The following UBA6 variants were observed in gnomAD, a reference collection of about 807,000 sequenced individuals.
The protein encoded by UBA6 is ubiquitin-like modifier-activating enzyme 6.
UBA6 carries 87 observed loss-of-function variants against 148.3 expected under a neutral mutation model. The ratio of observed to expected loss-of-function variants is 0.59; its 90% CI spans 0.49 to 0.70. The LOEUF is 0.70. UBA6 is among the 30% of genes least tolerant of loss of function. UBA6 has a pLI of 0.00. For synonymous variants in UBA6, 376 were observed against 401.0 expected (o/e 0.94, Z 0.75); for missense variants, 1,186 against 1,241.2 (o/e 0.96, Z 0.67).
In UBA6 at chr4:67,616,311, T is replaced by A; in HGVS notation, c.*2686A>T. 5.2e-6 allele frequency: 2 copies of A among 381,054 alleles called. No individual in the cohort carries two copies. Among genetic ancestry groups the A allele is most frequent in the Non-Finnish European group, 9.3e-6 (2 of 215,364 alleles). The allele number at this position is 381,054 out of a possible 1,614,324, so 23.6% of individuals were successfully genotyped here. ...AGTGGAAAGATTTAGGTCACGAGAT[T>A]TTTTTTTTCCCTAAAAATTTCAAAA... On this transcript the variant is annotated 3_prime_UTR_variant, in exon 33 of 33. Coordinates refer to ENST00000322244, the MANE Select transcript of UBA6 (RefSeq NM_018227.6).
rs1161952695 is a variant in UBA6 at position 67,614,357 on chromosome 4, G to A, written c.*4640C>T. On this transcript the variant is annotated 3_prime_UTR_variant, in exon 33 of 33. Coordinates refer to ENST00000322244, the MANE Select transcript of UBA6 (RefSeq NM_018227.6). ...GGCACATGTTCTCTGGACCTCCTGA[G>A]GGCTGGGTCACAGGCCATGGTCACT... The A allele has an allele frequency of 1.3e-5, 2 of 152,166 alleles. No homozygotes were observed. Among genetic ancestry groups the A allele is most frequent in the African/African-American group, 4.8e-5 (2 of 41,440 alleles). The allele number at this position is 152,166 out of a possible 1,614,324, so 9.4% of individuals were successfully genotyped here.
chr4:67,650,616 TAGAA>T (rs1729530796), intron 13 of UBA6, among the ~76,000 whole-genome samples: 1 of 152,182 alleles, frequency 6.6e-6, no homozygotes, highest in African/African-American at 2.4e-5. Context: ...TACTTGTAAG[TAGAA>T]AGACAGATTG....
chr4:67,656,577 C>T (rs1729701996), intron 13 of UBA6, among the ~76,000 whole-genome samples: 1 of 152,160 alleles, frequency 6.6e-6, no homozygotes, highest in African/African-American at 2.4e-5. Context: ...CAATATCATA[C>T]TGAATGGGCA....
chr4:67,658,861 T>A (rs1348406543), intron 13 of UBA6, among the ~76,000 whole-genome samples: 2 of 151,946 alleles, frequency 1.3e-5, no homozygotes, highest in Admixed American at 6.6e-5. Flanking sequence ...GCTAGGGAGG[T>A]AATTATAAAA....
chr4:67,682,446 G>A (rs1310250874), intron 2 of UBA6, among the ~76,000 whole-genome samples: 3 of 152,140 alleles, frequency 2.0e-5, no homozygotes, highest in African/African-American at 7.2e-5. Context: ...TAGACAGATG[G>A]AGGTGAGTAA....
At chr4:67,660,257 A>T (rs2109930783) in intron 13 of UBA6, among the ~76,000 whole-genome samples, 1 of 152,370 alleles carries the variant, frequency 6.6e-6, no homozygotes, top group South Asian at 2.1e-4. Flanking sequence ...AAGCAGCCAA[A>T]TGTTAATTGC....
intron 19 of UBA6, 84 bp from the exon 20 acceptor site, chr4:67,635,642 C>G (rs1020861085): frequency 3.1e-5 from 24 of 766,884 alleles, no homozygotes; most frequent in Non-Finnish European, 5.3e-5. Context: ...TTCTATTGAC[C>G]ATTTCACATA....
At chr4:67,654,944 G>T (rs1337414779) in intron 13 of UBA6, among the ~76,000 whole-genome samples, 1 of 150,874 alleles carries the variant, frequency 6.6e-6, no homozygotes, top group Non-Finnish European at 1.5e-5. Context: ...AAGAGACAAA[G>T]AAGGCCATTA....
intron 6 of UBA6, among the ~76,000 whole-genome samples, chr4:67,676,303 C>A (rs1472307083): frequency 6.6e-6 from 1 of 152,076 alleles, no homozygotes; most frequent in Non-Finnish European, 1.5e-5. Flanking sequence ...GGATTATAGG[C>A]GTGAGCCACC....
chr4:67,684,911 T>C (rs757764817), intron 2 of UBA6, among the ~76,000 whole-genome samples: 2 of 152,220 alleles, frequency 1.3e-5, no homozygotes, highest in Non-Finnish European at 2.9e-5. Flanking sequence ...TGAGATAATT[T>C]CTATTATTAT....
rs1277559199 is a variant in UBA6, at chr4:67,699,024, ACTAAT to A, written c.71+2020_71+2024del. Among the ~76,000 whole-genome samples, 5 of 152,260 alleles carry A rather than the reference ACTAAT, an allele frequency of 3.3e-5. No individual in the cohort carries two copies. In the South Asian group the frequency reaches 8.3e-4, roughly 25 times the overall value. ...AATGAATAAATTTTAAAGGAAAAAA[ACTAAT>A]CTAAATATGCAAATCTGACAAAGTA... is the stretch of plus-strand genomic sequence containing the variant. On this transcript the variant is annotated intron_variant, in intron 1 of 32. Transcript: ENST00000322244.
At chr4:67,658,236 T>G (rs354871) in intron 13 of UBA6, among the ~76,000 whole-genome samples, 148,794 of 152,308 alleles carry the variant, frequency 0.98, 72,786 homozygotes, top group East Asian at 1. Flanking sequence ...AAAGACAAAT[T>G]CACACGTATG....
chr4:67,634,323 C>A lies in UBA6; in HGVS notation c.1933-1G>T. Reference sequence around the variant, plus strand: ...GTTTGTGGGAAAAGGAACTTTCAAACTGTAACAGAGAAAAGAAAAAAAAAA... The same window carrying A: ...GTTTGTGGGAAAAGGAACTTTCAAAATGTAACAGAGAAAAGAAAAAAAAAA... On this transcript the variant is annotated splice_acceptor_variant, in intron 21 of 32. Transcript: ENST00000322244. LOFTEE classifies it high-confidence loss of function. 1 of 1,581,932 alleles carries A rather than the reference C, an allele frequency of 6.3e-7. No individual in the cohort carries two copies. Among genetic ancestry groups the A allele is most frequent in the Non-Finnish European group, 8.5e-7 (1 of 1,170,890 alleles).
rs796976882 is a variant in UBA6 at position 67,682,264 on chromosome 4, A to G, written c.135-51T>C. On this transcript the variant is annotated intron_variant, in intron 2 of 32. Transcript: ENST00000322244. ...AAAAAATTATTTCACTGAAATTATA[A>G]TATCTCTTAAAGTTGTTTGCAAACT... 71 of 1,397,376 alleles carry G rather than the reference A, an allele frequency of 5.1e-5. No individual in the cohort carries two copies. The East Asian group carries it at 1.2e-3, about 25-fold the overall frequency. The allele number at this position is 1,397,376 out of a possible 1,614,324, so 86.6% of individuals were successfully genotyped here.
chr4:67,631,942 A>G (rs755188795), intron 23 of UBA6, 34 bp from the exon 24 acceptor site: 1 of 1,575,486 alleles, frequency 6.3e-7, no homozygotes, highest in South Asian at 1.2e-5. Context: ...GACACCCACT[A>G]CTTAATATTA....
rs930658144 is a variant in UBA6, at chr4:67,614,771, C to T, written c.*4226G>A. On this transcript the variant is annotated 3_prime_UTR_variant, in exon 33 of 33. Transcript: ENST00000322244. The stretch of plus-strand genomic sequence containing the variant: ...AAGAACATCATAAGGGAGGGAAAGG[C>T]AAGCCACAAATTGGGAGAAGATATT... The T allele has an allele frequency of 6.6e-6, 1 of 152,012 alleles. No individual in the cohort carries two copies. The highest frequency in any genetic ancestry group is 6.6e-5 in the Admixed American group (1 of 15,256). 9.4% of individuals were successfully genotyped at this position (152,012 alleles called of 1,614,324 possible). A position where few individuals can be genotyped will look rare whatever the true frequency, so the allele number is the denominator to read the frequency against.
chr4:67,637,213 G>A (rs182315840), intron 19 of UBA6, among the ~76,000 whole-genome samples: 1,908 of 151,464 alleles, frequency 0.013, 37 homozygotes, highest in African/African-American at 0.042. Flanking sequence ...CGCCCCGTCC[G>A]GGAGGGAGGT....
rs886821974 is a variant in UBA6, at chr4:67,637,822, GC to G, written c.1736+1120del. Among the ~76,000 whole-genome samples the G allele has an allele frequency of 6.0e-4, 91 of 152,102 alleles. 1 individual carries two copies. Among genetic ancestry groups the G allele is most frequent in the African/African-American group, 1.9e-3 (80 of 41,508 alleles). Reference sequence around the variant, plus strand: ...ACTGCGGTAGGCCACAGGGTCCTCTGCCTAGGAAAACCAGAGACCTTTGTTC... The same window carrying G: ...ACTGCGGTAGGCCACAGGGTCCTCTGCTAGGAAAACCAGAGACCTTTGTTC... On this transcript the variant is annotated intron_variant, in intron 19 of 32. Coordinates refer to ENST00000322244, the MANE Select transcript of UBA6 (RefSeq NM_018227.6).
chr4:67,640,074 A>C (rs1729266840), intron 18 of UBA6, among the ~76,000 whole-genome samples: 1 of 152,228 alleles, frequency 6.6e-6, no homozygotes, highest in Non-Finnish European at 1.5e-5. Flanking sequence ...TTGCTTTGGC[A>C]TTAAATATCT....
Sources: allele counts gnomAD v4.1 joint callset (sites outside exome capture counted in the v4.1 genomes callset), GRCh38; gene constraint gnomAD v4.1.1; transcripts MANE v1.5; gene names NCBI Gene and HGNC (gene_info 2026-07-23, HGNC 2026-07-21).